ANO4: variants seen among roughly 807,000 people sequenced by gnomAD.
ANO4 encodes the protein anoctamin 4, also known as anoctamin-4.
A neutral mutation model predicts 141.9 loss-of-function variants in ANO4; 69 were observed. The ratio of observed to expected loss-of-function variants is 0.49; its 90% confidence interval spans 0.40 to 0.59. The LOEUF (loss-of-function observed/expected upper bound fraction) is 0.59, where lower values mean the gene tolerates loss of function less well. ANO4 is among the 20% of genes least tolerant of loss of function. The probability of loss-of-function intolerance (pLI) is 0.00; values close to 1 mark genes in which losing one functional copy is unlikely to be tolerated. For missense variants in ANO4, 894 were observed against 1,162.2 expected (o/e 0.77, Z 3.36); for synonymous variants, 350 against 394.3 (o/e 0.89, Z 1.33).
At chr12:101,035,254 T>C (rs1462370843) in intron 9 of ANO4, among the ~76,000 whole-genome samples, 6 of 152,156 alleles carry the variant, frequency 3.9e-5, no homozygotes, top group Admixed American at 1.3e-4. Flanking sequence ...TGAATGAATC[T>C]CAAATTATGT....
Position 100,811,706 on chromosome 12 carries a change from CTTTAG to C in ANO4, c.-141+16682_-141+16686del, listed in dbSNP as rs560541866. 1.4e-3 allele frequency among the ~76,000 whole-genome samples: 218 copies of C among 152,298 alleles called. 2 individuals carry two copies. The highest frequency in any genetic ancestry group is 4.9e-3 in the African/African-American group (203 of 41,574). ...TTCTAGTTTGATGCAGATTATTATT[CTTTAG>C]TTAACTGTACAGTAAACCATGCACA... On this transcript the variant is annotated intron_variant, in intron 1 of 27. Transcript: ENST00000392977.
At chr12:100,930,283 A>G (rs1394561800) in intron 3 of ANO4, among the ~76,000 whole-genome samples, 4 of 151,934 alleles carry the variant, frequency 2.6e-5, no homozygotes, top group Admixed American at 2.6e-4. Flanking sequence ...GAGTTTCTCT[A>G]ATGTTTCCTT....
At chr12:100,888,841 A>G (rs2039966090) in intron 1 of ANO4, among the ~76,000 whole-genome samples, 2 of 151,332 alleles carry the variant, frequency 1.3e-5, no homozygotes, top group African/African-American at 4.9e-5. Flanking sequence ...TTAACACTTA[A>G]TGTTCTTTTT....
At chr12:100,772,631 G>C (rs528265348) in intron 3 of ANO4, among the ~76,000 whole-genome samples, 1 of 152,204 alleles carries the variant, frequency 6.6e-6, no homozygotes, top group African/African-American at 2.4e-5. Flanking sequence ...TTTGGAGCCT[G>C]ACGCAGCTGC....
intron 24 of ANO4, among the ~76,000 whole-genome samples, chr12:101,114,639 AT>A (rs904648122): frequency 6.6e-6 from 1 of 152,080 alleles, no homozygotes; most frequent in African/African-American, 2.4e-5. Context: ...GGGGTTATGA[AT>A]ATTCCATTTC....
intron 14 of ANO4, among the ~76,000 whole-genome samples, chr12:101,054,967 A>T (rs927467504): frequency 6.6e-6 from 1 of 152,144 alleles, no homozygotes; most frequent in Admixed American, 6.5e-5. Context: ...TGCTGTTGAG[A>T]TTCATTTATG....
chr12:100,777,269 CTTTT>C (rs71091463), intron 3 of ANO4, among the ~76,000 whole-genome samples: 2 of 50,614 alleles, frequency 4.0e-5, no homozygotes, highest in African/African-American at 9.0e-5. Context: ...ATTTTTGTAT[CTTTT>C]TTTTTTTTTT....
chr12:101,012,140 C>T (rs1282560624), intron 8 of ANO4, among the ~76,000 whole-genome samples: 1 of 152,062 alleles, frequency 6.6e-6, no homozygotes, highest in Non-Finnish European at 1.5e-5. Context: ...TTCTGGAACA[C>T]CCAGTGGTTC....
chr12:100,991,939 C>T (rs1000474012), intron 8 of ANO4, among the ~76,000 whole-genome samples: 3 of 152,190 alleles, frequency 2.0e-5, no homozygotes, highest in Non-Finnish European at 2.9e-5. Context: ...CCATTGTTCC[C>T]TGTCTCAGTA....
intron 1 of ANO4, among the ~76,000 whole-genome samples, chr12:100,863,923 G>T (rs2038615710): frequency 1.3e-5 from 2 of 152,158 alleles, no homozygotes; most frequent in African/African-American, 4.8e-5. Flanking sequence ...TTTATTCAAA[G>T]TGCCTTGAGC....
At chr12:100,881,401 A>G (rs939656699) in intron 1 of ANO4, among the ~76,000 whole-genome samples, 9 of 149,606 alleles carry the variant, frequency 6.0e-5, no homozygotes, top group African/African-American at 1.5e-4. Flanking sequence ...TAACATTAAC[A>G]TTATAATAAA....
At chr12:100,807,747 A>G (rs909391713) in intron 1 of ANO4, among the ~76,000 whole-genome samples, 20 of 152,108 alleles carry the variant, frequency 1.3e-4, no homozygotes, top group Admixed American at 6.5e-4. Context: ...GTTGTTCCTC[A>G]TAGTGTGTCC....
intron 9 of ANO4, among the ~76,000 whole-genome samples, chr12:101,027,626 A>G (rs1488309744): frequency 1.3e-5 from 2 of 152,156 alleles, no homozygotes; most frequent in Non-Finnish European, 2.9e-5. Context: ...AGGCACTGAC[A>G]TATCCTTCCT....
intron 1 of ANO4, among the ~76,000 whole-genome samples, chr12:100,800,171 C>T (rs901293594): frequency 2.0e-5 from 3 of 151,992 alleles, no homozygotes; most frequent in African/African-American, 7.3e-5. Flanking sequence ...ATAGTTTTTC[C>T]CCTTTGCTTA....
chr12:100,938,448 T>G (rs2136163987), intron 3 of ANO4, among the ~76,000 whole-genome samples: 1 of 152,336 alleles, frequency 6.6e-6, no homozygotes, highest in South Asian at 2.1e-4. Flanking sequence ...CCCTCATGAA[T>G]TATTTTGTGC....
intron 1 of ANO4, among the ~76,000 whole-genome samples, chr12:100,864,561 A>G (rs577129580): frequency 6.6e-6 from 1 of 152,180 alleles, no homozygotes; most frequent in Admixed American, 6.5e-5. Context: ...CTCAGCAGGA[A>G]TCCCCTCTTC....
intron 7 of ANO4, among the ~76,000 whole-genome samples, chr12:100,981,468 AAGGG>A (rs1296510613): frequency 6.6e-6 from 1 of 151,938 alleles, no homozygotes; most frequent in Non-Finnish European, 1.5e-5. Flanking sequence ...GGAAGAAAGG[AAGGG>A]AGGGAGGGAG....
At chr12:100,822,314 TAGA>T (rs1013469113) in intron 1 of ANO4, among the ~76,000 whole-genome samples, 4 of 151,930 alleles carry the variant, frequency 2.6e-5, no homozygotes, top group Non-Finnish European at 5.9e-5. Context: ...AGTCAGCAGG[TAGA>T]AGGTTTTTCT....
At chr12:100,828,229 C>A (rs151019427) in intron 1 of ANO4, among the ~76,000 whole-genome samples, 1 of 151,804 alleles carries the variant, frequency 6.6e-6, no homozygotes, top group African/African-American at 2.4e-5. Flanking sequence ...TTTAATATTT[C>A]CTCCATTCCT....
Sources: gnomAD v4.1 joint callset for allele counts (sites outside exome capture counted in the v4.1 genomes callset) on GRCh38, gnomAD v4.1.1 for gene constraint, MANE v1.5 for transcripts, NCBI Gene and HGNC (gene_info 2026-07-23, HGNC 2026-07-21) for gene names.